The following GYPB variants were observed in gnomAD, a reference collection of about 807,000 sequenced individuals.
GYPB encodes the protein glycophorin B (MNS blood group).
A neutral mutation model predicts 15.3 loss-of-function variants in GYPB; 13 were observed. That is an observed-to-expected ratio of 0.85 (90% CI 0.55 to 1.35). The LOEUF (loss-of-function observed/expected upper bound fraction) is 1.35. Ranked by LOEUF, GYPB falls within the 40% of genes most tolerant of loss-of-function variation. The probability of loss-of-function intolerance (pLI) is 0.00; values close to 1 mark genes in which losing one functional copy is unlikely to be tolerated. For missense variants in GYPB, 131 were observed against 108.3 expected (o/e 1.21, Z -0.93); for synonymous variants, 38 against 36.9 (o/e 1.03, Z -0.11).
chr4:144,013,665 A>G (rs995920560), intron 1 of GYPB, among the ~76,000 whole-genome samples: 3 of 150,798 alleles, frequency 2.0e-5, no homozygotes, highest in Non-Finnish European at 2.9e-5. Flanking sequence ...AAACTATCGC[A>G]AGAACAAAAA....
At position 143,996,307 on chromosome 4, in the gene GYPB, G is replaced by T. The variant is rs1265993141; in HGVS notation, c.271-3C>A. 4 of 1,550,704 alleles carry T rather than the reference G, an allele frequency of 2.6e-6. No individual in the cohort carries two copies. The highest frequency in any genetic ancestry group is 2.8e-5 in the African/African-American group (2 of 71,850). On this transcript the variant is annotated splice_region_variant and splice_polypyrimidine_tract_variant and intron_variant, in intron 4 of 4. Transcript: ENST00000502664. The stretch of plus-strand genomic sequence containing the variant: ...GCATGCAGGCCACATCCTCATGCCT[G>T]TGATAAAAAGACAAGAAGTTTCCAC...
At chr4:143,997,971 A>C (rs1268643724) in intron 3 of GYPB, among the ~76,000 whole-genome samples, 2 of 151,258 alleles carry the variant, frequency 1.3e-5, no homozygotes, top group Non-Finnish European at 2.9e-5. Flanking sequence ...GGGGAAAAAA[A>C]CCCACAAATT....
Position 144,007,954 on chromosome 4 carries a change from T to C in GYPB, c.38-6671A>G, listed in dbSNP as rs138556954. 1.1e-3 allele frequency among the ~76,000 whole-genome samples: 162 copies of C among 151,608 alleles called. 6 individuals are homozygous for C. The highest frequency in any genetic ancestry group is 3.7e-3 in the African/African-American group (152 of 40,886). ...TGCCTGGCTTAGAATGGATGTCTTCTAAGATGCTTCACCATTCATGAATCA... is the reference window on the plus strand; with the variant it reads ...TGCCTGGCTTAGAATGGATGTCTTCCAAGATGCTTCACCATTCATGAATCA... On this transcript the variant is annotated intron_variant, in intron 1 of 4. Transcript: ENST00000502664.
chr4:143,997,987 AT>A (rs1291779036), intron 3 of GYPB, among the ~76,000 whole-genome samples: 1 of 151,410 alleles, frequency 6.6e-6, no homozygotes, highest in Non-Finnish European at 1.5e-5. Flanking sequence ...AAATTCTCCC[AT>A]AGTTTGGAAG....
intron 1 of GYPB, among the ~76,000 whole-genome samples, chr4:144,013,025 AG>A (rs1385745543): frequency 6.6e-6 from 1 of 151,712 alleles, no homozygotes; most frequent in Non-Finnish European, 1.5e-5. Context: ...TACAGAATGA[AG>A]GAAAAGATTT....
chr4:143,997,130 C>T (rs1456877003), intron 4 of GYPB, among the ~76,000 whole-genome samples: 2 of 151,026 alleles, frequency 1.3e-5, no homozygotes, highest in South Asian at 2.1e-4. Flanking sequence ...TGGTCTCAAA[C>T]TGCTGAGCTC....
At chr4:143,995,952 TG>T (rs1727288800), downstream of GYPB, among the ~76,000 whole-genome samples, 1 of 151,346 alleles carries the variant, frequency 6.6e-6, no homozygotes, top group Non-Finnish European at 1.5e-5. Context: ...AACCACCTAA[TG>T]AGAGTCCAGG....
chr4:144,009,864 C>T (rs1728128047), intron 1 of GYPB, among the ~76,000 whole-genome samples: 1 of 150,842 alleles, frequency 6.6e-6, no homozygotes, highest in East Asian at 1.9e-4. Flanking sequence ...CCGCCCACCT[C>T]AGCCTCCCAA....
chr4:144,014,824 T>C (rs765119934), intron 1 of GYPB, among the ~76,000 whole-genome samples: 17 of 151,588 alleles, frequency 1.1e-4, no homozygotes, highest in Non-Finnish European at 2.2e-4. Flanking sequence ...TGTATGTAAA[T>C]TGCTTAGAAA....
At chr4:144,016,543 A>G (rs143149227) in intron 1 of GYPB, among the ~76,000 whole-genome samples, 4,399 of 151,124 alleles carry the variant, frequency 0.029, 185 homozygotes, top group African/African-American at 0.047. Flanking sequence ...AGATTCTGGG[A>G]ATACATGGAT....
chr4:144,010,757 A>G lies in GYPB; in HGVS notation c.37+8494T>C, dbSNP rs537807680. Among the ~76,000 whole-genome samples, 6 of 151,426 alleles carry G rather than the reference A, an allele frequency of 4.0e-5. No individual in the cohort carries two copies. In the East Asian group the frequency reaches 1.2e-3, roughly 29 times the overall value. ...AGCCATTGACCAGTGGCTCATGCACACCTTTATCCAGCTTATCTAGCTCCA... is the reference window on the plus strand; with the variant it reads ...AGCCATTGACCAGTGGCTCATGCACGCCTTTATCCAGCTTATCTAGCTCCA... On this transcript the variant is annotated intron_variant, in intron 1 of 4. Coordinates refer to ENST00000502664, the MANE Select transcript of GYPB (RefSeq NM_002100.6).
downstream of GYPB, among the ~76,000 whole-genome samples, chr4:143,995,532 G>A (rs927272668): frequency 5.9e-5 from 9 of 151,288 alleles, 1 homozygote; most frequent in African/African-American, 1.7e-4. Context: ...TTTCTGAGGC[G>A]TGGGCATCCT....
At chr4:143,999,870 T>TC (rs1276424625) in intron 2 of GYPB, among the ~76,000 whole-genome samples, 5 of 151,554 alleles carry the variant, frequency 3.3e-5, no homozygotes, top group African/African-American at 1.2e-4. Flanking sequence ...CTATCAATTT[T>TC]CTGATTTATG....
intron 3 of GYPB, chr4:143,999,161 G>A (rs1030640714): frequency 5.8e-6 from 2 of 343,680 alleles, no homozygotes; most frequent in Admixed American, 5.3e-5. Context: ...GCCAGGCTTG[G>A]CCTCCCAAAA....
chr4:144,016,050 A>C (rs986718526), intron 1 of GYPB, among the ~76,000 whole-genome samples: 1 of 146,928 alleles, frequency 6.8e-6, no homozygotes, highest in African/African-American at 2.6e-5. Context: ...TCAAGAATTT[A>C]TAGTCATGTA....
At position 144,009,331 on chromosome 4, in the gene GYPB, G is replaced by T. The variant is rs560050818; in HGVS notation, c.38-8048C>A. Among the ~76,000 whole-genome samples the T allele has an allele frequency of 3.3e-5, 5 of 151,304 alleles. No homozygotes were observed. In the East Asian group the frequency reaches 9.7e-4, roughly 29 times the overall value. ...TTAAGTTTTTCAAATTGTCTGTTGA[G>T]ATCCCTTAGCACAAGTATTAGTAAA... On this transcript the variant is annotated intron_variant, in intron 1 of 4. Transcript: ENST00000502664.
At position 144,019,222 on chromosome 4, in the gene GYPB, C is replaced by A. The variant is rs187152067; in HGVS notation, c.37+29G>T. The A allele has an allele frequency of 4.2e-4, 671 of 1,610,034 alleles. 39 individuals are homozygous for A. In the African/African-American group the frequency reaches 8.1e-3, roughly 20 times the overall value. On this transcript the variant is annotated intron_variant, in intron 1 of 4. Coordinates refer to ENST00000502664, the MANE Select transcript of GYPB (RefSeq NM_002100.6). ...TTCTATGATCTCATACCCAATATAACAGAACCAAGATGAAATAAAATCACT... is the reference window on the plus strand; with the variant it reads ...TTCTATGATCTCATACCCAATATAAAAGAACCAAGATGAAATAAAATCACT...
chr4:144,018,456 A>C (rs1283896503), intron 1 of GYPB, among the ~76,000 whole-genome samples: 1 of 151,278 alleles, frequency 6.6e-6, no homozygotes, highest in Non-Finnish European at 1.5e-5. Context: ...TAATAGACTC[A>C]GAATGTTTCA....
chr4:144,015,367 T>A (rs1728434108), intron 1 of GYPB, among the ~76,000 whole-genome samples: 1 of 151,372 alleles, frequency 6.6e-6, no homozygotes, highest in South Asian at 2.1e-4. Context: ...GTGGATATGA[T>A]AATAATGGCT....
Sources: gnomAD v4.1 joint callset for allele counts (sites outside exome capture counted in the v4.1 genomes callset) on GRCh38, gnomAD v4.1.1 for gene constraint, MANE v1.5 for transcripts, NCBI Gene and HGNC (gene_info 2026-07-23, HGNC 2026-07-21) for gene names.